CRHR1: variants seen among roughly 807,000 people sequenced by gnomAD.
CRHR1 encodes the protein corticotropin-releasing hormone receptor 1.
Under a neutral mutation model 56.0 loss-of-function variants are expected in CRHR1, and 28 were observed. The ratio of observed to expected loss-of-function variants is 0.50; its 90% CI spans 0.37 to 0.69. CRHR1 has a LOEUF of 0.69. Among genes scored for constraint, CRHR1 ranks in the 30% least tolerant of loss-of-function variants. The probability of loss-of-function intolerance (pLI) is 0.00; values close to 1 mark genes in which losing one functional copy is unlikely to be tolerated. For missense variants in CRHR1, 376 were observed against 548.0 expected, an observed-to-expected ratio of 0.69 and a Z score of 3.13; for synonymous variants, 195 against 216.5, an observed-to-expected ratio of 0.90 and a Z score of 0.87.
intron 4 of CRHR1, among the ~76,000 whole-genome samples, 168 bp downstream of exon 4, chr17:45,821,608 C>G (rs1043359236): frequency 6.6e-6 from 1 of 152,220 alleles, no homozygotes; most frequent in Non-Finnish European, 1.5e-5. Context: ...GGCCCATGAG[C>G]AGGCGCCCTC....
intron 1 of CRHR1, among the ~76,000 whole-genome samples, chr17:45,805,283 TA>T (rs1424087829): frequency 6.6e-6 from 1 of 152,194 alleles, no homozygotes; most frequent in Non-Finnish European, 1.5e-5. Context: ...AAATATTCCG[TA>T]TCTTGACGAC....
intron 1 of CRHR1, among the ~76,000 whole-genome samples, chr17:45,792,195 A>G (rs778262756): frequency 2.6e-5 from 4 of 152,178 alleles, no homozygotes; most frequent in African/African-American, 4.8e-5. Context: ...CCAGACGGGT[A>G]GGGCAAGGCT....
intron 2 of CRHR1, among the ~76,000 whole-genome samples, chr17:45,810,264 G>A (rs1196214206): frequency 6.6e-6 from 1 of 152,106 alleles, no homozygotes; most frequent in African/African-American, 2.4e-5. Context: ...CAATCTGGGC[G>A]ACAGAGCGAG....
intron 1 of CRHR1, among the ~76,000 whole-genome samples, chr17:45,794,329 AT>A (rs1052139814): frequency 6.6e-6 from 1 of 152,196 alleles, no homozygotes; most frequent in Non-Finnish European, 1.5e-5. Context: ...CCAGGAACCA[AT>A]TGTTGGTAGG....
chr17:45,812,107 T>C (rs1043020762), intron 2 of CRHR1, among the ~76,000 whole-genome samples: 9 of 152,218 alleles, frequency 5.9e-5, no homozygotes, highest in Non-Finnish European at 1.3e-4. Context: ...CATCCTCCTG[T>C]ATACTTTAAA....
chr17:45,834,139 G>A (rs1255194526), intron 12 of CRHR1, 91 bp downstream of exon 12: 9 of 1,499,030 alleles, frequency 6.0e-6, no homozygotes, highest in African/African-American at 4.1e-5. Context: ...CCCTCCCAGG[G>A]CTGCCTCTCT....
chr17:45,820,703 A>T (rs2062021413), intron 3 of CRHR1, among the ~76,000 whole-genome samples: 1 of 150,180 alleles, frequency 6.7e-6, no homozygotes, highest in African/African-American at 2.4e-5. Context: ...TCCATCATGG[A>T]TGTTCCCCCC....
chr17:45,806,612 G>GGT (rs149163877), intron 1 of CRHR1, among the ~76,000 whole-genome samples: 112 of 151,928 alleles, frequency 7.4e-4, no homozygotes, highest in South Asian at 2.3e-3. Flanking sequence ...CCGGTGGGAG[G>GGT]GTGTGTGTGT....
intron 1 of CRHR1, among the ~76,000 whole-genome samples, chr17:45,790,143 A>G (rs2061402200): frequency 6.6e-6 from 1 of 152,228 alleles, no homozygotes; most frequent in Admixed American, 6.5e-5. Context: ...GCTACCAGCC[A>G]TCAGCTGAGC....
chr17:45,822,320 A>G (rs549541065), intron 4 of CRHR1, among the ~76,000 whole-genome samples: 2 of 152,336 alleles, frequency 1.3e-5, no homozygotes, highest in African/African-American at 4.8e-5. Flanking sequence ...TTGAAGGGTG[A>G]TATTTGGCAG....
chr17:45,828,210 T>C (rs769333279), intron 4 of CRHR1, among the ~76,000 whole-genome samples: 8 of 152,250 alleles, frequency 5.3e-5, no homozygotes, highest in Non-Finnish European at 1.0e-4. Context: ...GGCAGGAGTC[T>C]GCAGAGAGCT....
At chr17:45,801,929 T>C (rs1435873637) in intron 1 of CRHR1, among the ~76,000 whole-genome samples, 2 of 151,968 alleles carry the variant, frequency 1.3e-5, no homozygotes, top group South Asian at 4.2e-4. Flanking sequence ...CCCGGGAAAA[T>C]GGTTTTCATC....
At position 45,835,050 on chromosome 17, in the gene CRHR1, T is replaced by G; in HGVS notation, c.*286T>G. On this transcript the variant is annotated 3_prime_UTR_variant, in exon 13 of 13. Coordinates refer to ENST00000314537, the MANE Select transcript of CRHR1 (RefSeq NM_004382.5). Reference sequence around the variant, plus strand: ...ATGGGAATGAATTGAAATGGGGCGCTGGACACCTACAGCAGCACGCATGTC... The same window carrying G: ...ATGGGAATGAATTGAAATGGGGCGCGGGACACCTACAGCAGCACGCATGTC... The G allele has an allele frequency of 2.0e-6, 1 of 492,286 alleles. No individual in the cohort carries two copies. Among genetic ancestry groups the G allele is most frequent in the Admixed American group, 3.4e-5 (1 of 29,790 alleles). 30.5% of individuals were successfully genotyped at this position (492,286 alleles called of 1,614,324 possible). A position where few individuals can be genotyped will look rare whatever the true frequency, so the allele number is the denominator to read the frequency against.
intron 4 of CRHR1, among the ~76,000 whole-genome samples, chr17:45,823,590 C>G (rs1478939515): frequency 6.6e-6 from 1 of 152,074 alleles, no homozygotes; most frequent in East Asian, 1.9e-4. Context: ...GTATTTTTGG[C>G]AGTTAAGTCA....
chr17:45,818,973 C>G (rs78487981), intron 3 of CRHR1, among the ~76,000 whole-genome samples: 87 of 152,278 alleles, frequency 5.7e-4, no homozygotes, highest in Non-Finnish European at 1.1e-3. Context: ...TCTTTCGGAT[C>G]ACCTCCTTTC....
chr17:45,831,950 C>G (rs1003457960), intron 8 of CRHR1, among the ~76,000 whole-genome samples: 1 of 152,198 alleles, frequency 6.6e-6, no homozygotes, highest in African/African-American at 2.4e-5. Context: ...CCTCCTGACT[C>G]CCTCCTGACT....
At position 45,784,610 on chromosome 17, in the gene CRHR1, G is replaced by A. The variant is rs1315720570; in HGVS notation, c.33+33G>A. 2.0e-6 allele frequency: 3 copies of A among 1,535,860 alleles called. No homozygotes were observed. Among genetic ancestry groups the A allele is most frequent in the African/African-American group, 1.4e-5 (1 of 71,626 alleles). ...CCCGCCGGCCATCCCTCGAGCGCTG[G>A]CGCCCCCGGCCCCTGGCGGACGCGG... On this transcript the variant is annotated intron_variant, in intron 1 of 12. Coordinates refer to ENST00000314537, the MANE Select transcript of CRHR1 (RefSeq NM_004382.5). The surrounding 1 kb of genome is among the most constrained non-coding windows in gnomAD (Gnocchi z 4.2).
intron 2 of CRHR1, among the ~76,000 whole-genome samples, chr17:45,812,748 T>C (rs1310063359): frequency 6.6e-6 from 1 of 152,086 alleles, no homozygotes; most frequent in East Asian, 1.9e-4. Flanking sequence ...CTTAGTGTCT[T>C]CTTCTCCATC....
At chr17:45,830,669 G>C in intron 7 of CRHR1, 99 bp downstream of exon 7, 1 of 1,470,748 alleles carries the variant, frequency 6.8e-7, no homozygotes, top group South Asian at 1.3e-5. Flanking sequence ...CTGAGGGATG[G>C]AGGTCGGGTT....
Sources: allele counts gnomAD v4.1 joint callset (sites outside exome capture counted in the v4.1 genomes callset), GRCh38; gene constraint gnomAD v4.1.1; non-coding constraint Gnocchi (gnomAD v3.1); transcripts MANE v1.5; gene names NCBI Gene and HGNC (gene_info 2026-07-23, HGNC 2026-07-21).